VIPR1: variants seen among roughly 807,000 people sequenced by gnomAD.
VIPR1 encodes vasoactive intestinal polypeptide receptor 1.
A neutral mutation model predicts 58.8 loss-of-function variants in VIPR1; 59 were observed. The ratio of observed to expected loss-of-function variants is 1.00; its 90% CI spans 0.81 to 1.25. VIPR1 has a LOEUF of 1.25. Among genes scored for constraint, VIPR1 ranks in the 50% most tolerant of loss-of-function variants. VIPR1 has a pLI of 0.00. For missense variants in VIPR1, 626 were observed against 602.7 expected, an observed-to-expected ratio of 1.04 and a Z score of -0.40; for synonymous variants, 251 against 242.1, an observed-to-expected ratio of 1.04 and a Z score of -0.34.
At chr3:42,519,532 G>A in intron 3 of VIPR1, 2 of 468,420 alleles carry the variant, frequency 4.3e-6, no homozygotes, top group South Asian at 7.7e-5. Flanking sequence ...ATAAGCATGT[G>A]GGAAAGGCTC....
chr3:42,502,085 T>C (rs1699888879), upstream of VIPR1: 1 of 152,218 alleles, frequency 6.6e-6, no homozygotes, highest in African/African-American at 2.4e-5. Context: ...GAAGGATGAA[T>C]TGGGGTTGTT....
intron 1 of VIPR1, chr3:42,507,337 G>T (rs1313333181): frequency 6.6e-6 from 1 of 152,236 alleles, no homozygotes; most frequent in Non-Finnish European, 1.5e-5. Context: ...TGAGCCTCAG[G>T]CTAGCCTCCA....
intron 6 of VIPR1, 152 bp from the exon 7 acceptor site, chr3:42,530,627 C>G (rs988682547): frequency 4.5e-6 from 4 of 889,806 alleles, no homozygotes; most frequent in Non-Finnish European, 6.7e-6. Flanking sequence ...AATGGGAAAA[C>G]CAATGAGTAC....
rs141797390 is a variant in VIPR1 at position 42,526,272 on chromosome 3, C to T, written c.399+279C>T. Among the ~76,000 whole-genome samples the T allele has an allele frequency of 3.3e-5, 5 of 152,222 alleles. No homozygotes were observed. The East Asian group carries it at 7.7e-4, about 23-fold the overall frequency. ...GGGCCACCCTACTGCCTCATGGGAACCTCACTTCAGCCCGGGAGTTGGCAG... is the reference window on the plus strand; with the variant it reads ...GGGCCACCCTACTGCCTCATGGGAATCTCACTTCAGCCCGGGAGTTGGCAG... On this transcript the variant is annotated intron_variant, in intron 4 of 12. Coordinates refer to ENST00000325123, the MANE Select transcript of VIPR1 (RefSeq NM_004624.4).
At chr3:42,492,953 C>A (rs1699692319) in intron 1 of VIPR1, among the ~76,000 whole-genome samples, 1 of 152,236 alleles carries the variant, frequency 6.6e-6, no homozygotes, top group Non-Finnish European at 1.5e-5. Context: ...GCAGAACCAG[C>A]AACCAATGGA....
intron 1 of VIPR1, among the ~76,000 whole-genome samples, chr3:42,491,865 G>A (rs1699672480): frequency 6.6e-6 from 1 of 152,154 alleles, no homozygotes; most frequent in Admixed American, 6.5e-5. Flanking sequence ...GTGAGCCACC[G>A]CACCTGGCCT....
chr3:42,533,843 C>G (rs1701707532), intron 10 of VIPR1: 1 of 152,364 alleles, frequency 6.6e-6, no homozygotes, highest in African/African-American at 2.4e-5. Context: ...AGGCCAGCTC[C>G]TCTGCCCCCA....
At chr3:42,524,871 C>T (rs1048653347) in intron 3 of VIPR1, among the ~76,000 whole-genome samples, 18 of 152,268 alleles carry the variant, frequency 1.2e-4, no homozygotes, top group African/African-American at 4.3e-4. Flanking sequence ...TTGGGGCCTC[C>T]ACTTCTTAAC....
chr3:42,524,180 G>A (rs1701108572), intron 3 of VIPR1, among the ~76,000 whole-genome samples: 1 of 152,200 alleles, frequency 6.6e-6, no homozygotes, highest in Non-Finnish European at 1.5e-5. Flanking sequence ...CAGATTGTGG[G>A]TGGGATCCAG....
chr3:42,530,075 G>GC (rs11428499), intron 6 of VIPR1: 80,033 of 152,104 alleles, frequency 0.53, 21,790 homozygotes, highest in East Asian at 0.82. Flanking sequence ...GCAGACTCTT[G>GC]AAACTCAAGC....
chr3:42,525,001 G>A (rs1283085488), intron 3 of VIPR1, among the ~76,000 whole-genome samples: 1 of 152,214 alleles, frequency 6.6e-6, no homozygotes, highest in East Asian at 1.9e-4. Context: ...TGATGAGGCT[G>A]ACAACAGTGA....
At chr3:42,531,254 G>A (rs569455019) in intron 7 of VIPR1, 32 of 620,106 alleles carry the variant, frequency 5.2e-5, no homozygotes, top group Middle Eastern at 2.5e-4. Flanking sequence ...GAGAATGTCC[G>A]TCTAGGTAGA....
At chr3:42,528,372 A>T (rs2125671323) in intron 6 of VIPR1, 1 of 540,412 alleles carries the variant, frequency 1.9e-6, no homozygotes, top group East Asian at 3.0e-5. Context: ...CAGTGAGAAA[A>T]GCAGATGGGA....
chr3:42,490,199 A>T (rs1699641357), intron 1 of VIPR1, among the ~76,000 whole-genome samples: 1 of 152,190 alleles, frequency 6.6e-6, no homozygotes, highest in Non-Finnish European at 1.5e-5. Flanking sequence ...CTACCCCCAA[A>T]GAAGGGGTTA....
At chr3:42,507,280 G>A (rs1559480731) in intron 1 of VIPR1, 2 of 152,348 alleles carry the variant, frequency 1.3e-5, no homozygotes, top group South Asian at 4.1e-4. Context: ...TGTGTCTGAC[G>A]GGACTGTCCA....
Position 42,531,879 on chromosome 3 carries a change from C to A in VIPR1, c.918+10C>A. ...CCTCACCTCCATCTTGGTAAGATACCCTCCCACCACCTAGAGATGGGGAAA... is the reference window on the plus strand; with the variant it reads ...CCTCACCTCCATCTTGGTAAGATACACTCCCACCACCTAGAGATGGGGAAA... On this transcript the variant is annotated intron_variant, in intron 9 of 12. Transcript: ENST00000325123. 2 of 1,614,050 alleles carry A rather than the reference C, an allele frequency of 1.2e-6. No homozygotes were observed. The highest frequency in any genetic ancestry group is 1.7e-6 in the Non-Finnish European group (2 of 1,179,968).
chr3:42,491,975 G>A (rs1369512147), intron 1 of VIPR1, among the ~76,000 whole-genome samples: 1 of 152,180 alleles, frequency 6.6e-6, no homozygotes, highest in African/African-American at 2.4e-5. Context: ...GTGAACAGGT[G>A]AACAGGTGAG....
At chr3:42,523,863 G>A (rs1701090831) in intron 3 of VIPR1, among the ~76,000 whole-genome samples, 2 of 152,216 alleles carry the variant, frequency 1.3e-5, no homozygotes, top group Admixed American at 1.3e-4. Flanking sequence ...TGTCACCCAG[G>A]TGGGAGTGCA....
Position 42,531,462 on chromosome 3 carries a change from G to A in VIPR1, c.791-9G>A. On this transcript the variant is annotated splice_polypyrimidine_tract_variant and intron_variant, in intron 7 of 12. Transcript: ENST00000325123. ...CTCTCTGCTCTTTCACTCTCCCTGG[G>A]CCTGACAGGGGTACCCAGCACATTC... 5.7e-6 allele frequency: 9 copies of A among 1,573,420 alleles called. No homozygotes were observed. The highest frequency in any genetic ancestry group is 7.8e-6 in the Non-Finnish European group (9 of 1,158,058).
Sources: allele counts gnomAD v4.1 joint callset (sites outside exome capture counted in the v4.1 genomes callset), GRCh38; gene constraint gnomAD v4.1.1; transcripts MANE v1.5; gene names NCBI Gene and HGNC (gene_info 2026-07-23, HGNC 2026-07-21).